MIA2: variants seen among roughly 807,000 people sequenced by gnomAD.
MIA2 encodes MIA SH3 domain ER export factor 2.
A neutral mutation model predicts 167.8 loss-of-function variants in MIA2; 127 were observed. That is an observed-to-expected ratio of 0.76 (90% confidence interval 0.66 to 0.88). MIA2 has a LOEUF of 0.88. MIA2 is among the 40% of genes least tolerant of loss of function. The pLI, the probability that MIA2 is intolerant of heterozygous loss-of-function variation, is 0.00. For missense variants in MIA2, 1,690 were observed against 1,624.7 expected (o/e 1.04, Z -0.69); for synonymous variants, 552 against 541.9 (o/e 1.02, Z -0.26).
intron 2 of MIA2, among the ~76,000 whole-genome samples, chr14:39,237,721 C>T (rs1266219199): frequency 3.9e-5 from 6 of 152,102 alleles, no homozygotes; most frequent in Non-Finnish European, 8.8e-5. Context: ...TTTCTTGGTG[C>T]TGCCAATGGT....
chr14:39,248,151 A>C lies in MIA2; in HGVS notation c.1567+10A>C, dbSNP rs2054392610. 7.4e-7 allele frequency: 1 copy of C among 1,348,942 alleles called. No individual in the cohort carries two copies. The highest frequency in any genetic ancestry group is 2.7e-5 in the Admixed American group (1 of 37,608). 83.6% of individuals were successfully genotyped at this position (1,348,942 alleles called of 1,614,324 possible). ...TCATACAGTCTGTCAGGTTGGTATG[A>C]AAATATTTACATTAGAATTTATTTT... On this transcript the variant is annotated intron_variant, in intron 4 of 28. Transcript: ENST00000640607.
intron 23 of MIA2, among the ~76,000 whole-genome samples, chr14:39,356,561 C>G (rs1378067402): frequency 6.6e-6 from 1 of 152,124 alleles, no homozygotes; most frequent in Non-Finnish European, 1.5e-5. Flanking sequence ...TCCTTCAGTT[C>G]TGCTCTGATA....
At chr14:39,246,087 T>TTTATTTAC (rs980454038) in intron 3 of MIA2, among the ~76,000 whole-genome samples, 1 of 149,090 alleles carries the variant, frequency 6.7e-6, no homozygotes, top group Non-Finnish European at 1.5e-5. Flanking sequence ...AAAATTTTTA[T>TTTATTTAC]TTATTTATTT....
chr14:39,341,556 T>C (rs1220311438), intron 25 of MIA2, among the ~76,000 whole-genome samples: 2 of 152,126 alleles, frequency 1.3e-5, no homozygotes, highest in African/African-American at 4.8e-5. Context: ...AGTACAGATG[T>C]AGCTGTTGGG....
chr14:39,373,318 A>C (rs1177640494), intron 23 of MIA2, among the ~76,000 whole-genome samples: 2 of 151,890 alleles, frequency 1.3e-5, no homozygotes, highest in Non-Finnish European at 2.9e-5. Flanking sequence ...AAAAAAAAAA[A>C]AAAAAGCATG....
intron 9 of MIA2, 98 bp downstream of exon 9, chr14:39,279,635 T>G (rs777931342): frequency 1.6e-5 from 12 of 766,028 alleles, no homozygotes; most frequent in Non-Finnish European, 2.5e-5. Context: ...ATGAATGCTT[T>G]GTTTGCAGAG....
chr14:39,311,467 T>C lies in MIA2; in HGVS notation c.3018-1873T>C, dbSNP rs1374462356. 2.5e-3 allele frequency among the ~76,000 whole-genome samples: 11 copies of C among 4,462 alleles called. 1 individual carries two copies. Among genetic ancestry groups the C allele is most frequent in the Admixed American group, 0.018 (11 of 608 alleles). The allele number at this position is 4,462 out of a possible 152,430, so 2.9% of individuals were successfully genotyped here. ...AGGACCTAGAAGCTTGATGTGTTGCTTTTTTTTTTTTTTTTTTTTTTTTTT... is the reference window on the plus strand; with the variant it reads ...AGGACCTAGAAGCTTGATGTGTTGCCTTTTTTTTTTTTTTTTTTTTTTTTT... On this transcript the variant is annotated intron_variant, in intron 18 of 28. Transcript: ENST00000640607.
At chr14:39,324,848 C>G (rs1221570321) in intron 24 of MIA2, among the ~76,000 whole-genome samples, 1 of 152,248 alleles carries the variant, frequency 6.6e-6, no homozygotes, top group South Asian at 2.1e-4. Flanking sequence ...CTCAGGTGAT[C>G]CGCCCACCTC....
intron 6 of MIA2, among the ~76,000 whole-genome samples, chr14:39,260,029 G>A (rs2055016956): frequency 6.6e-6 from 1 of 152,112 alleles, no homozygotes; most frequent in African/African-American, 2.4e-5. Flanking sequence ...CCCTGCAAAG[G>A]ACATGAACTC....
At chr14:39,277,768 A>ATGTGTGTG (rs1566685975) in intron 7 of MIA2, among the ~76,000 whole-genome samples, 4 of 38,176 alleles carry the variant, frequency 1.0e-4, no homozygotes, top group Admixed American at 8.7e-4. Context: ...ATATATATAT[A>ATGTGTGTG]TATATATATA....
intron 23 of MIA2, among the ~76,000 whole-genome samples, chr14:39,381,215 A>T (rs2075154653): frequency 3.3e-5 from 5 of 152,188 alleles, no homozygotes. Flanking sequence ...ATGCAGCAGA[A>T]GGTGGTAAGA....
intron 6 of MIA2, chr14:39,266,227 TATA>T (rs2055607595): frequency 3.0e-6 from 3 of 985,316 alleles, no homozygotes; most frequent in African/African-American, 3.5e-5. Flanking sequence ...GAAGGCAGAA[TATA>T]ATGAGAATGA....
exon 24 of MIA2, chr14:39,387,001 T>G (rs745556721): frequency 1.7e-5 from 13 of 754,928 alleles, no homozygotes; most frequent in Middle Eastern, 2.3e-4. Flanking sequence ...ACGACTCGTA[T>G]CTGTTCAAGT....
intron 6 of MIA2, among the ~76,000 whole-genome samples, chr14:39,272,135 C>T (rs1470801053): frequency 2.6e-5 from 4 of 152,142 alleles, no homozygotes; most frequent in Admixed American, 6.6e-5. Context: ...GGGTGGATCA[C>T]GAGGTCAGGA....
At chr14:39,236,206 G>GGCATCAC (rs1461858571) in intron 1 of MIA2, among the ~76,000 whole-genome samples, 1 of 152,140 alleles carries the variant, frequency 6.6e-6, no homozygotes, top group Non-Finnish European at 1.5e-5. Context: ...ATGCAGCCTA[G>GGCATCAC]TAAGGATAAT....
intron 6 of MIA2, among the ~76,000 whole-genome samples, chr14:39,267,809 T>G (rs2056235480): frequency 6.6e-6 from 1 of 152,234 alleles, no homozygotes; most frequent in Non-Finnish European, 1.5e-5. Context: ...TTCCTAAAAC[T>G]AATTAGCCTT....
intron 9 of MIA2, among the ~76,000 whole-genome samples, chr14:39,288,454 TATATATATATATATATATA>T (rs2060165681): frequency 2.7e-3 from 38 of 13,866 alleles, no homozygotes; most frequent in Non-Finnish European, 4.3e-3. Context: ...TATATATATA[TATATATATATATATATATA>T]TATTTTTTTT....
At chr14:39,386,857 C>T in intron 23 of MIA2, 1 of 866,422 alleles carries the variant, frequency 1.2e-6, no homozygotes, top group Non-Finnish European at 2.0e-6. Flanking sequence ...TCTACTTTAA[C>T]TCTGAGGCGG....
At position 39,246,082 on chromosome 14, in the gene MIA2, T is replaced by TTTTATTTATTTATTTATTTATTTA. The variant is rs71130832; in HGVS notation, c.337-821_337-798dup. Among the ~76,000 whole-genome samples, 291 of 143,360 alleles carry TTTTATTTATTTATTTATTTATTTA rather than the reference T, an allele frequency of 2.0e-3. 1 individual carries two copies. Among genetic ancestry groups the TTTTATTTATTTATTTATTTATTTA allele is most frequent in the African/African-American group, 4.8e-3 (187 of 38,716 alleles). The allele number at this position is 143,360 out of a possible 152,430, so 94.0% of individuals were successfully genotyped here. On this transcript the variant is annotated intron_variant, in intron 3 of 28. Transcript: ENST00000640607. ...AAACATTTCAATTATTTTTAAAAAT[T>TTTTATTTATTTATTTATTTATTTA]TTTATTTATTTATTTATTTATTTAT...
Sources: allele counts gnomAD v4.1 joint callset (sites outside exome capture counted in the v4.1 genomes callset), GRCh38; gene constraint gnomAD v4.1.1; transcripts MANE v1.5; gene names NCBI Gene and HGNC (gene_info 2026-07-23, HGNC 2026-07-21).